The following SLC41A2 variants were observed in gnomAD, a reference collection of about 807,000 sequenced individuals.
SLC41A2 encodes the protein solute carrier family 41 member 2, also known as SLC41A1-like 1.
SLC41A2 carries 32 observed loss-of-function variants against 58.3 expected under a neutral mutation model. That is an observed-to-expected ratio of 0.55 (90% CI 0.41 to 0.74). The LOEUF (loss-of-function observed/expected upper bound fraction) is 0.74, where lower values mean the gene tolerates loss of function less well. SLC41A2 is among the 30% of genes least tolerant of loss of function. The pLI is 0.00. For missense variants in SLC41A2, 514 were observed against 680.6 expected, an observed-to-expected ratio of 0.76 and a Z score of 2.72; for synonymous variants, 190 against 235.0, an observed-to-expected ratio of 0.81 and a Z score of 1.75.
chr12:104,947,857 T>C (rs1039321296), intron 1 of SLC41A2, among the ~76,000 whole-genome samples: 1 of 152,132 alleles, frequency 6.6e-6, no homozygotes, highest in African/African-American at 2.4e-5. Flanking sequence ...CTAAATAACA[T>C]TTTTATAATT....
chr12:104,844,944 A>G (rs1231879164), intron 9 of SLC41A2, among the ~76,000 whole-genome samples: 1 of 141,926 alleles, frequency 7.0e-6, no homozygotes, highest in Non-Finnish European at 1.5e-5. Flanking sequence ...TTTCTTTAGA[A>G]TTCTATCACT....
At chr12:104,894,533 C>A (rs2045185934) in intron 4 of SLC41A2, among the ~76,000 whole-genome samples, 1 of 152,112 alleles carries the variant, frequency 6.6e-6, no homozygotes, top group South Asian at 2.1e-4. Context: ...CACTTGTACA[C>A]GTATTCAAAA....
In SLC41A2 at chr12:104,805,243, G is replaced by A. The variant is rs774215525; in HGVS notation, c.1631C>T (p.Ala544Val). ...AGCTGTCCCGAGCAGATCACCCAAT[G>A]CTGTTAGGTAGGGGATGGAGAAACT... is the stretch of plus-strand genomic sequence containing the variant. Reference protein sequence around the residue: ...PDSFSIPYLTALGDLLGTALL... With the variant: ...PDSFSIPYLTVLGDLLGTALL... The change falls in exon 11 of 11, where the codon GCA becomes GTA. Residue 544 changes from alanine (A) to valine (V), a missense_variant. Ala to Val is a moderately conservative substitution (Grantham distance 64). Coordinates refer to ENST00000258538, the MANE Select transcript of SLC41A2 (RefSeq NM_001352171.3). 1.2e-6 allele frequency: 2 copies of A among 1,613,860 alleles called. No individual in the cohort carries two copies. Among genetic ancestry groups the A allele is most frequent in the Non-Finnish European group, 1.7e-6 (2 of 1,179,796 alleles).
At chr12:104,949,404 C>T (rs1424723430) in intron 1 of SLC41A2, among the ~76,000 whole-genome samples, 1 of 152,138 alleles carries the variant, frequency 6.6e-6, no homozygotes, top group African/African-American at 2.4e-5. Context: ...CATTATTTCA[C>T]TTATTTACAT....
At chr12:104,816,062 T>C (rs1308416423) in intron 10 of SLC41A2, among the ~76,000 whole-genome samples, 2 of 152,112 alleles carry the variant, frequency 1.3e-5, no homozygotes, top group Admixed American at 1.3e-4. Context: ...GGTTGCCCGG[T>C]AACACAGCTA....
Position 104,948,155 on chromosome 12 carries a change from A to C in SLC41A2, c.-168+9933T>G, listed in dbSNP as rs145651840. Among the ~76,000 whole-genome samples, 31 of 152,324 alleles carry C rather than the reference A, an allele frequency of 2.0e-4. No individual in the cohort carries two copies. In the East Asian group the frequency reaches 5.8e-3, roughly 28 times the overall value. On this transcript the variant is annotated intron_variant, in intron 1 of 10. Transcript: ENST00000258538. ...AGCTTTTGGGAGCTAGGGATCCCTA[A>C]AAATTTTGCTTTCTTTGTCATATTT... is the stretch of plus-strand genomic sequence containing the variant.
chr12:104,870,323 G>C (rs562938538), intron 6 of SLC41A2, among the ~76,000 whole-genome samples: 1 of 152,222 alleles, frequency 6.6e-6, no homozygotes, highest in East Asian at 1.9e-4. Context: ...AGACCAGAAG[G>C]ATCCAATCCT....
chr12:104,829,482 G>A (rs778060009), intron 10 of SLC41A2, among the ~76,000 whole-genome samples: 2 of 152,180 alleles, frequency 1.3e-5, no homozygotes, highest in Non-Finnish European at 2.9e-5. Context: ...GTTGCCTAGT[G>A]CCTGGCATGG....
At chr12:104,912,982 C>A (rs1434962584) in intron 2 of SLC41A2, among the ~76,000 whole-genome samples, 1 of 152,146 alleles carries the variant, frequency 6.6e-6, no homozygotes, top group African/African-American at 2.4e-5. Flanking sequence ...GCATCACATG[C>A]CATCATGCTT....
chr12:104,871,343 G>A (rs993545437), intron 6 of SLC41A2, among the ~76,000 whole-genome samples: 6 of 152,292 alleles, frequency 3.9e-5, no homozygotes, highest in Middle Eastern at 6.8e-3. Context: ...CAACAATCAT[G>A]TGAACATATA....
chr12:104,930,128 GT>G (rs957221674), intron 1 of SLC41A2, among the ~76,000 whole-genome samples: 1 of 152,210 alleles, frequency 6.6e-6, no homozygotes, highest in African/African-American at 2.4e-5. Context: ...CAGAATGTGT[GT>G]GTTTGAGGCC....
At chr12:104,898,535 C>T (rs1420620253) in intron 3 of SLC41A2, among the ~76,000 whole-genome samples, 1 of 148,148 alleles carries the variant, frequency 6.8e-6, no homozygotes, top group Non-Finnish European at 1.5e-5. Flanking sequence ...CATGTATTAA[C>T]TATATGTGCA....
At chr12:104,809,950 C>T (rs1335769582) in intron 10 of SLC41A2, among the ~76,000 whole-genome samples, 2 of 152,152 alleles carry the variant, frequency 1.3e-5, no homozygotes, top group Non-Finnish European at 2.9e-5. Flanking sequence ...CCTGCGTCTT[C>T]AGTACCTAGC....
chr12:104,912,210 A>G (rs2046117955), intron 2 of SLC41A2, among the ~76,000 whole-genome samples: 1 of 152,192 alleles, frequency 6.6e-6, no homozygotes. Flanking sequence ...CCTGGCATAC[A>G]TCTAAAATCG....
intron 3 of SLC41A2, among the ~76,000 whole-genome samples, chr12:104,907,825 G>T (rs777696803): frequency 6.6e-6 from 1 of 152,190 alleles, no homozygotes; most frequent in Non-Finnish European, 1.5e-5. Context: ...AAAGCAGTTA[G>T]CAAAGGACCT....
Position 104,849,625 on chromosome 12 carries a change from T to C in SLC41A2, c.1256-3651A>G, listed in dbSNP as rs2042728036. ...GGAGAATCGCTTGAGCCTAGGCGTT[T>C]GAAACCAGCCTGGGCAATATAGTGA... On this transcript the variant is annotated intron_variant, in intron 8 of 10. Transcript: ENST00000258538. 2.6e-5 allele frequency among the ~76,000 whole-genome samples: 4 copies of C among 152,100 alleles called. No individual in the cohort carries two copies. The South Asian group carries it at 8.3e-4, about 31-fold the overall frequency.
chr12:104,955,935 A>G (rs1472893659), intron 1 of SLC41A2, among the ~76,000 whole-genome samples: 1 of 152,254 alleles, frequency 6.6e-6, no homozygotes, highest in East Asian at 1.9e-4. Flanking sequence ...TACACTGCAC[A>G]AACTTAAGAA....
chr12:104,894,111 T>C lies in SLC41A2; in HGVS notation c.735+1163A>G, dbSNP rs1015213995. ...TGTATCAAAACATCTCATGAATATA[T>C]ACACCTACTACGTATCCACAAAAAT... On this transcript the variant is annotated intron_variant, in intron 4 of 10. Transcript: ENST00000258538. Among the ~76,000 whole-genome samples the C allele has an allele frequency of 4.6e-5, 7 of 152,250 alleles. No homozygotes were observed. In the East Asian group the frequency reaches 9.6e-4, roughly 21 times the overall value.
intron 10 of SLC41A2, among the ~76,000 whole-genome samples, chr12:104,811,052 T>G (rs192410332): frequency 1.3e-5 from 2 of 152,206 alleles, no homozygotes; most frequent in Non-Finnish European, 2.9e-5. Flanking sequence ...AATAATGATT[T>G]TTTTTTCCTG....
Sources: allele counts gnomAD v4.1 joint callset (sites outside exome capture counted in the v4.1 genomes callset), GRCh38; gene constraint gnomAD v4.1.1; transcripts MANE v1.5; gene names NCBI Gene and HGNC (gene_info 2026-07-23, HGNC 2026-07-21).